NLGN4X: variants seen among roughly 807,000 people sequenced by gnomAD.
NLGN4X encodes the protein neuroligin 4 X-linked, also known as neuroligin-4, X-linked.
A neutral mutation model predicts 40.3 loss-of-function variants in NLGN4X; 3 were observed. The ratio of observed to expected loss-of-function variants is 0.07; its 90% CI spans 0.03 to 0.19. The LOEUF (loss-of-function observed/expected upper bound fraction) is 0.19, where lower values mean the gene tolerates loss of function less well. Ranked by LOEUF, NLGN4X falls within the 10% of genes least tolerant of loss-of-function variation. The pLI is 1.00. For synonymous variants in NLGN4X, 270 were observed against 306.8 expected, an observed-to-expected ratio of 0.88 and a Z score of 1.25; for missense variants, 382 against 708.3, an observed-to-expected ratio of 0.54 and a Z score of 5.23.
At chrX:5,924,446 C>A (rs2033195057) in intron 3 of NLGN4X, among the ~76,000 whole-genome samples, 1 of 111,245 alleles carries the variant, frequency 9.0e-6, no homozygotes, top group Admixed American at 9.5e-5. Context: ...AAATGCCTTA[C>A]AATTTTTAAA....
intron 1 of NLGN4X, among the ~76,000 whole-genome samples, chrX:6,205,937 G>A (rs1324668216): frequency 8.9e-6 from 1 of 111,940 alleles, no homozygotes; most frequent in Non-Finnish European, 1.9e-5. Context: ...AACACACGGA[G>A]CATCTCATAT....
At chrX:5,938,955 T>TTG (rs775880273) in intron 3 of NLGN4X, among the ~76,000 whole-genome samples, 4,587 of 102,674 alleles carry the variant, frequency 0.045, 270 homozygotes, top group African/African-American at 0.16. Context: ...GTGTTTGTAT[T>TTG]TGTGTGTGTG....
chrX:6,061,114 C>T (rs2037757666), intron 2 of NLGN4X, among the ~76,000 whole-genome samples: 1 of 111,407 alleles, frequency 9.0e-6, no homozygotes, highest in South Asian at 3.8e-4. Flanking sequence ...TGGTTCTGCC[C>T]ATTTTCCCCC....
At chrX:5,989,849 C>A (rs1411778690) in intron 3 of NLGN4X, among the ~76,000 whole-genome samples, 1 of 111,469 alleles carries the variant, frequency 9.0e-6, no homozygotes. Context: ...CCTATACCTG[C>A]ATGCCCATGA....
rs1166658222 is a variant in NLGN4X at position 5,894,755 on chromosome X, A to AT, written c.1602-1090dup. ...AAATTACCAAATGCTCATTTCTTCCATTTTTTTTATGGCTTGTAAAGTAAG... is the reference window on the plus strand; with the variant it reads ...AAATTACCAAATGCTCATTTCTTCCATTTTTTTTTATGGCTTGTAAAGTAAG... On this transcript the variant is annotated intron_variant, in intron 5 of 5. Transcript: ENST00000381095. Among the ~76,000 whole-genome samples the AT allele has an allele frequency of 9.1e-4, 102 of 112,059 alleles. 1 individual carries two copies. The Middle Eastern group carries it at 0.018, about 20-fold the overall frequency.
In NLGN4X at chrX:6,192,821, C is replaced by T. The variant is rs550199641; in HGVS notation, c.-306+35720G>A. 2.7e-5 allele frequency among the ~76,000 whole-genome samples: 3 copies of T among 111,911 alleles called. No homozygotes were observed. The South Asian group carries it at 1.1e-3, about 42-fold the overall frequency. Reference sequence around the variant, plus strand: ...CACCTGGGCTGTCCTCCAGGCAGACCCCAACTCCACCACCTTTCTTCCCAA... The same window carrying T: ...CACCTGGGCTGTCCTCCAGGCAGACTCCAACTCCACCACCTTTCTTCCCAA... On this transcript the variant is annotated intron_variant, in intron 1 of 5. Coordinates refer to ENST00000381095, the MANE Select transcript of NLGN4X (RefSeq NM_181332.3).
At chrX:6,159,104 G>C (rs1012239075) in intron 1 of NLGN4X, among the ~76,000 whole-genome samples, 1 of 111,919 alleles carries the variant, frequency 8.9e-6, no homozygotes, top group Non-Finnish European at 1.9e-5. Context: ...AACATAAAAG[G>C]CAAGTCACAG....
At chrX:5,978,865 G>A (rs1465312819) in intron 3 of NLGN4X, among the ~76,000 whole-genome samples, 1 of 111,616 alleles carries the variant, frequency 9.0e-6, no homozygotes, top group African/African-American at 3.3e-5. Context: ...CAGCTACTGG[G>A]GAGGCTGAGG....
At chrX:6,024,641 T>G (rs2036639989) in intron 3 of NLGN4X, among the ~76,000 whole-genome samples, 2 of 111,001 alleles carry the variant, frequency 1.8e-5, no homozygotes, top group South Asian at 7.8e-4. Context: ...CTGGTCATCC[T>G]CACTACTCAT....
At chrX:6,075,414 A>C (rs1193488717) in intron 2 of NLGN4X, among the ~76,000 whole-genome samples, 1 of 112,018 alleles carries the variant, frequency 8.9e-6, no homozygotes, top group African/African-American at 3.2e-5. Flanking sequence ...AAAAGCAAAA[A>C]AGAAACATAA....
At chrX:6,120,336 A>G (rs1170141159) in intron 2 of NLGN4X, among the ~76,000 whole-genome samples, 3 of 111,902 alleles carry the variant, frequency 2.7e-5, no homozygotes, top group African/African-American at 9.8e-5. Context: ...GATGCCTGGC[A>G]CTTATTTGGA....
chrX:6,163,660 T>C (rs1172319181), intron 1 of NLGN4X, among the ~76,000 whole-genome samples: 1 of 112,062 alleles, frequency 8.9e-6, no homozygotes, highest in Non-Finnish European at 1.9e-5. Flanking sequence ...TAGAGAGAGC[T>C]AGGCCAGAGG....
At chrX:6,081,987 T>C (rs1204261185) in intron 2 of NLGN4X, among the ~76,000 whole-genome samples, 1 of 112,440 alleles carries the variant, frequency 8.9e-6, no homozygotes, top group Non-Finnish European at 1.9e-5. Context: ...CATAAACACT[T>C]AGACCATTCA....
chrX:6,095,135 GTGTGTGTGT>G (rs2038740102), intron 2 of NLGN4X, among the ~76,000 whole-genome samples: 3 of 94,766 alleles, frequency 3.2e-5, no homozygotes, highest in African/African-American at 1.2e-4. Flanking sequence ...GTGTGTGTGT[GTGTGTGTGT>G]GTGTGTAATT....
intron 1 of NLGN4X, among the ~76,000 whole-genome samples, chrX:6,196,537 G>T (rs1459373461): frequency 1.4e-5 from 1 of 72,381 alleles, no homozygotes; most frequent in Non-Finnish European, 2.5e-5. Context: ...GGGCGACAGA[G>T]CGAGACTCTG....
At chrX:6,150,554 C>T (rs951146345) in intron 2 of NLGN4X, among the ~76,000 whole-genome samples, 11 of 111,670 alleles carry the variant, frequency 9.9e-5, no homozygotes, top group Admixed American at 9.6e-4. Context: ...AAAAAAGGTG[C>T]TAATATCTTA....
intron 1 of NLGN4X, among the ~76,000 whole-genome samples, chrX:6,176,710 T>C (rs1448353837): frequency 8.9e-6 from 1 of 112,085 alleles, no homozygotes; most frequent in Non-Finnish European, 1.9e-5. Context: ...CTCTAGAATC[T>C]GGAAAAGGCA....
At chrX:6,194,588 T>G (rs1481012090) in intron 1 of NLGN4X, among the ~76,000 whole-genome samples, 1 of 111,976 alleles carries the variant, frequency 8.9e-6, no homozygotes, top group African/African-American at 3.3e-5. Flanking sequence ...GCCTTTGGGT[T>G]TCATAGCTAA....
chrX:6,053,712 T>C (rs995495627), intron 2 of NLGN4X, among the ~76,000 whole-genome samples: 6 of 111,894 alleles, frequency 5.4e-5, no homozygotes, highest in African/African-American at 1.9e-4. Context: ...AAATTGACTC[T>C]GGCTCCTCCA....
Sources: allele counts gnomAD v4.1 joint callset (sites outside exome capture counted in the v4.1 genomes callset), GRCh38; gene constraint gnomAD v4.1.1; transcripts MANE v1.5; gene names NCBI Gene and HGNC (gene_info 2026-07-23, HGNC 2026-07-21).